The following TRIM67 variants were observed in gnomAD, a reference collection of about 807,000 sequenced individuals.
TRIM67 encodes tripartite motif-containing protein 67.
A neutral mutation model predicts 71.0 loss-of-function variants in TRIM67; 39 were observed. The ratio of observed to expected loss-of-function variants is 0.55; its 90% CI spans 0.43 to 0.72. The LOEUF (loss-of-function observed/expected upper bound fraction) is 0.72, where lower values mean the gene tolerates loss of function less well. TRIM67 is among the 30% of genes least tolerant of loss of function. The probability of loss-of-function intolerance (pLI) is 0.00; values close to 1 mark genes in which losing one functional copy is unlikely to be tolerated. For missense variants in TRIM67, 973 were observed against 1,079.2 expected (o/e 0.90, Z 1.38); for synonymous variants, 481 against 473.9 (o/e 1.01, Z -0.19).
Position 231,219,698 on chromosome 1 carries a change from G to C in TRIM67, c.*4258G>C. On this transcript the variant is annotated 3_prime_UTR_variant, in exon 10 of 10. Coordinates refer to ENST00000366653, the MANE Select transcript of TRIM67 (RefSeq NM_001004342.5). Reference sequence around the variant, plus strand: ...CTTAATGGGTTTGTGGCCCTCAATTGGTTTTTAAAAAAATCTAACAGATCT... The same window carrying C: ...CTTAATGGGTTTGTGGCCCTCAATTCGTTTTTAAAAAAATCTAACAGATCT... 1 of 1,185,162 alleles carries C rather than the reference G, an allele frequency of 8.4e-7. No individual in the cohort carries two copies. The highest frequency in any genetic ancestry group is 1.1e-6 in the Non-Finnish European group (1 of 941,180). The allele number at this position is 1,185,162 out of a possible 1,614,324, so 73.4% of individuals were successfully genotyped here.
chr1:231,196,274 C>T (rs1683369640), intron 1 of TRIM67, among the ~76,000 whole-genome samples: 1 of 152,102 alleles, frequency 6.6e-6, no homozygotes, highest in Admixed American at 6.5e-5. Flanking sequence ...GTTCTATCCT[C>T]AGCTTTTTAA....
chr1:231,181,677 T>A (rs1682910734), intron 1 of TRIM67, among the ~76,000 whole-genome samples: 1 of 152,210 alleles, frequency 6.6e-6, no homozygotes, highest in Non-Finnish European at 1.5e-5. Context: ...TTTAGACTTC[T>A]TTTTAGACTT....
chr1:231,201,572 G>C (rs1319724615), intron 5 of TRIM67, 55 bp downstream of exon 5: 1 of 1,578,436 alleles, frequency 6.3e-7, no homozygotes, highest in African/African-American at 1.3e-5. Context: ...GAGGCATGCA[G>C]TCTGAGGGGC....
intron 5 of TRIM67, among the ~76,000 whole-genome samples, chr1:231,202,606 T>C (rs184461326): frequency 6.6e-6 from 1 of 152,194 alleles, no homozygotes; most frequent in East Asian, 1.9e-4. Context: ...GCTCTTTGGT[T>C]TTTGTGGACT....
chr1:231,182,707 T>C (rs927948100), intron 1 of TRIM67, among the ~76,000 whole-genome samples: 3 of 152,176 alleles, frequency 2.0e-5, no homozygotes, highest in Admixed American at 6.5e-5. Flanking sequence ...TCTGCCACTG[T>C]CTGCCCACTT....
chr1:231,174,429 G>T (rs750999495), intron 1 of TRIM67, among the ~76,000 whole-genome samples: 1 of 151,710 alleles, frequency 6.6e-6, no homozygotes, highest in Non-Finnish European at 1.5e-5. Context: ...GCCACCCAAA[G>T]TGTTGGGATT....
At chr1:231,203,582 G>C (rs116505404) in intron 5 of TRIM67, among the ~76,000 whole-genome samples, 1,970 of 152,312 alleles carry the variant, frequency 0.013, 42 homozygotes, top group African/African-American at 0.045. Flanking sequence ...TCCTTCCTTA[G>C]GGCCATAGGC....
chr1:231,189,968 C>T (rs1293663297), intron 1 of TRIM67, among the ~76,000 whole-genome samples: 2 of 152,148 alleles, frequency 1.3e-5, no homozygotes, highest in African/African-American at 4.8e-5. Context: ...AGGAACCAGC[C>T]CTGCCCATAC....
chr1:231,195,385 C>A (rs559116442), intron 1 of TRIM67, among the ~76,000 whole-genome samples: 37 of 152,346 alleles, frequency 2.4e-4, no homozygotes, highest in Middle Eastern at 3.4e-3. Context: ...ACAGAGCAGA[C>A]CTGAGACGCT....
Position 231,217,432 on chromosome 1 carries a change from G to A in TRIM67, c.*1992G>A, listed in dbSNP as rs892745384. ...TGTCCTTGCCCGCACCTCTGCCTCTGTCTCCCATATCCCTGCAGCTTCATC... is the reference window on the plus strand; with the variant it reads ...TGTCCTTGCCCGCACCTCTGCCTCTATCTCCCATATCCCTGCAGCTTCATC... On this transcript the variant is annotated 3_prime_UTR_variant, in exon 10 of 10. Transcript: ENST00000366653. 7.1e-6 allele frequency: 7 copies of A among 988,916 alleles called. No individual in the cohort carries two copies. In the African/African-American group the frequency reaches 8.7e-5, roughly 12 times the overall value. The allele number at this position is 988,916 out of a possible 1,614,324, so 61.3% of individuals were successfully genotyped here.
At chr1:231,195,584 G>C (rs999302219) in intron 1 of TRIM67, among the ~76,000 whole-genome samples, 3 of 152,312 alleles carry the variant, frequency 2.0e-5, no homozygotes, top group African/African-American at 7.2e-5. Flanking sequence ...TTAGCCTAAG[G>C]CTCCTGCTCT....
chr1:231,216,749 T>G lies in TRIM67; in HGVS notation c.*1309T>G, dbSNP rs889402699. 11 of 985,344 alleles carry G rather than the reference T, an allele frequency of 1.1e-5. No individual in the cohort carries two copies. Among genetic ancestry groups the G allele is most frequent in the Middle Eastern group, 5.2e-4 (1 of 1,940 alleles). The allele number at this position is 985,344 out of a possible 1,614,324, so 61.0% of individuals were successfully genotyped here. ...GGGCAGGACTCTGGAAACACCAGGC[T>G]TCTCCCTTGAGATCCACATTGATTC... On this transcript the variant is annotated 3_prime_UTR_variant, in exon 10 of 10. Coordinates refer to ENST00000366653, the MANE Select transcript of TRIM67 (RefSeq NM_001004342.5).
chr1:231,197,087 A>G (rs1683384549), intron 1 of TRIM67, among the ~76,000 whole-genome samples: 1 of 152,178 alleles, frequency 6.6e-6, no homozygotes, highest in Admixed American at 6.5e-5. Flanking sequence ...CTCTACAAAC[A>G]TCAGGGGCAG....
intron 1 of TRIM67, among the ~76,000 whole-genome samples, chr1:231,178,680 AC>A (rs1371739909): frequency 6.6e-6 from 1 of 152,230 alleles, no homozygotes; most frequent in African/African-American, 2.4e-5. Flanking sequence ...GATTGCCTGG[AC>A]CAGCTTTCTG....
In TRIM67 at chr1:231,199,252, G is replaced by A. The variant is rs1683456586; in HGVS notation, c.1263+83G>A. On this transcript the variant is annotated intron_variant, in intron 3 of 9. Transcript: ENST00000366653. ...GGGGTGGAGCACAGAGTAGGCACTG[G>A]GGAAATAACAGCTAAGTGAGTGAAT... 5.3e-6 allele frequency: 7 copies of A among 1,331,444 alleles called. No individual in the cohort carries two copies. The South Asian group carries it at 7.1e-5, about 14-fold the overall frequency. 82.5% of individuals were successfully genotyped at this position (1,331,444 alleles called of 1,614,324 possible).
chr1:231,169,993 C>CTCTTTTTTTTTTTTTTT (rs1558289994), intron 1 of TRIM67, among the ~76,000 whole-genome samples: 2 of 136,136 alleles, frequency 1.5e-5, no homozygotes, highest in African/African-American at 3.2e-5. Context: ...TTCTTTCTCT[C>CTCTTTTTTTTTTTTTTT]TTTTTTTTTT....
rs376692883 is a variant in TRIM67 at position 231,215,104 on chromosome 1, G to A, written c.2287-271G>A. On this transcript the variant is annotated intron_variant, in intron 9 of 9. Transcript: ENST00000366653. ...GTGAGAGCCGTGCTCCTGTGATGGC[G>A]TCTACTTTGCCCAGCTGTGGCAGCT... 8.5e-5 allele frequency among the ~76,000 whole-genome samples: 13 copies of A among 152,356 alleles called. No individual in the cohort carries two copies. In the East Asian group the frequency reaches 2.1e-3, roughly 25 times the overall value.
At chr1:231,179,897 T>C (rs1682853982) in intron 1 of TRIM67, among the ~76,000 whole-genome samples, 1 of 152,080 alleles carries the variant, frequency 6.6e-6, no homozygotes, top group African/African-American at 2.4e-5. Flanking sequence ...GGGCACTGGG[T>C]AGGGTCCTGC....
chr1:231,169,898 G>T (rs1232183458), intron 1 of TRIM67, among the ~76,000 whole-genome samples: 1 of 152,048 alleles, frequency 6.6e-6, no homozygotes, highest in East Asian at 1.9e-4. Context: ...AGCCACCTTT[G>T]CTGTAGCCCT....
Sources: gnomAD v4.1 joint callset for allele counts (sites outside exome capture counted in the v4.1 genomes callset) on GRCh38, gnomAD v4.1.1 for gene constraint, MANE v1.5 for transcripts, NCBI Gene and HGNC (gene_info 2026-07-23, HGNC 2026-07-21) for gene names.